ATL2: variants seen among roughly 807,000 people sequenced by gnomAD.
ATL2 encodes atlastin-2.
ATL2 carries 31 observed loss-of-function variants against 73.9 expected under a neutral mutation model. The ratio of observed to expected loss-of-function variants is 0.42; its 90% CI spans 0.32 to 0.57. The LOEUF (loss-of-function observed/expected upper bound fraction) is 0.57. Among genes scored for constraint, ATL2 ranks in the 20% least tolerant of loss-of-function variants. ATL2 has a pLI of 0.14. For synonymous variants in ATL2, 291 were observed against 237.5 expected, an observed-to-expected ratio of 1.23 and a Z score of -2.07; for missense variants, 738 against 702.6, an observed-to-expected ratio of 1.05 and a Z score of -0.57.
intron 1 of ATL2, among the ~76,000 whole-genome samples, chr2:38,356,414 C>T (rs1375357857): frequency 6.6e-6 from 1 of 151,772 alleles, no homozygotes; most frequent in East Asian, 1.9e-4. Context: ...GTCTCGAACT[C>T]CTGGGCTCAA....
intron 1 of ATL2, among the ~76,000 whole-genome samples, chr2:38,351,385 G>A (rs1038412634): frequency 7.2e-5 from 11 of 151,894 alleles, no homozygotes; most frequent in African/African-American, 2.2e-4. Flanking sequence ...TTAATGTTGC[G>A]TACCTCAAAA....
At chr2:38,323,751 C>T (rs1336452866) in intron 2 of ATL2, among the ~76,000 whole-genome samples, 1 of 152,106 alleles carries the variant, frequency 6.6e-6, no homozygotes, top group Non-Finnish European at 1.5e-5. Context: ...CTTGCTCTAT[C>T]ACCCAAGCTG....
intron 1 of ATL2, among the ~76,000 whole-genome samples, chr2:38,368,601 A>T (rs1671488227): frequency 6.6e-6 from 1 of 152,202 alleles, no homozygotes; most frequent in South Asian, 2.1e-4. Flanking sequence ...GACTAAGACT[A>T]CCACTAATAA....
rs1666783804 is a variant in ATL2 at position 38,294,521 on chromosome 2, C to T, written c.*1473G>A. 6.6e-6 allele frequency among the ~76,000 whole-genome samples: 1 copy of T among 152,056 alleles called. No individual in the cohort carries two copies. The highest frequency in any genetic ancestry group is 6.6e-5 in the Admixed American group (1 of 15,264). On this transcript the variant is annotated 3_prime_UTR_variant, in exon 13 of 13. Coordinates refer to ENST00000378954, the MANE Select transcript of ATL2 (RefSeq NM_001135673.4). Reference sequence around the variant, plus strand: ...CAAGATCGCACCACTGCACTCCAGCCTGGGTGACAGAGAGAGACTCCGTCT... The same window carrying T: ...CAAGATCGCACCACTGCACTCCAGCTTGGGTGACAGAGAGAGACTCCGTCT...
intron 9 of ATL2, among the ~76,000 whole-genome samples, chr2:38,303,806 G>C (rs189602550): frequency 2.3e-4 from 35 of 152,316 alleles, no homozygotes; most frequent in African/African-American, 7.9e-4. Context: ...CTCAAGACAT[G>C]TAACAAGCAA....
At chr2:38,376,048 A>G in intron 1 of ATL2, 1 of 1,381,134 alleles carries the variant, frequency 7.2e-7, no homozygotes. Flanking sequence ...ACACCGTAAA[A>G]AAAGAAATCT....
At chr2:38,366,581 T>C (rs1010852688) in intron 1 of ATL2, among the ~76,000 whole-genome samples, 1 of 152,236 alleles carries the variant, frequency 6.6e-6, no homozygotes, top group African/African-American at 2.4e-5. Context: ...CTACCCATTC[T>C]TCAAAGCACG....
chr2:38,296,164 A>T, intron 12 of ATL2, 51 bp from the exon 13 acceptor site: 1 of 1,496,912 alleles, frequency 6.7e-7, no homozygotes, highest in Non-Finnish European at 8.9e-7. Flanking sequence ...GTAAAAAAAG[A>T]GTTACATATA....
chr2:38,296,272 T>C (rs1666888769), intron 12 of ATL2, 159 bp from the exon 13 acceptor site: 2 of 1,438,040 alleles, frequency 1.4e-6, no homozygotes, highest in East Asian at 2.5e-5. Flanking sequence ...ATGATGCTAC[T>C]AGACATTTTA....
chr2:38,308,242 C>T (rs1344248289), intron 9 of ATL2, among the ~76,000 whole-genome samples: 1 of 152,164 alleles, frequency 6.6e-6, no homozygotes, highest in Non-Finnish European at 1.5e-5. Flanking sequence ...AAATGTGGTA[C>T]ATATACACGA....
intron 8 of ATL2, 73 bp downstream of exon 8, chr2:38,310,236 T>A: frequency 6.6e-7 from 1 of 1,510,950 alleles, no homozygotes; most frequent in Non-Finnish European, 9.1e-7. Context: ...ATTTAAGGCG[T>A]CATGTATTTT....
chr2:38,346,065 G>A (rs564577218), intron 1 of ATL2, among the ~76,000 whole-genome samples: 6 of 152,294 alleles, frequency 3.9e-5, no homozygotes, highest in East Asian at 1.9e-4. Context: ...GTGTAGCTGC[G>A]TACTGACACT....
In ATL2 at chr2:38,330,827, T is replaced by C. The variant is rs78818129; in HGVS notation, c.364-11808A>G. 9.6e-3 allele frequency among the ~76,000 whole-genome samples: 1,466 copies of C among 152,348 alleles called. 34 individuals are homozygous for C. The highest frequency in any genetic ancestry group is 0.033 in the African/African-American group (1,381 of 41,574). Reference sequence around the variant, plus strand: ...AAATTGATCTTTCAGATTCAACCAATCACTGATAGAATCCCAGCTAACTTC... The same window carrying C: ...AAATTGATCTTTCAGATTCAACCAACCACTGATAGAATCCCAGCTAACTTC... On this transcript the variant is annotated intron_variant, in intron 2 of 12. Transcript: ENST00000378954.
chr2:38,357,459 A>G (rs888345154), intron 1 of ATL2, among the ~76,000 whole-genome samples: 10 of 151,790 alleles, frequency 6.6e-5, no homozygotes, highest in Non-Finnish European at 1.0e-4. Context: ...GAAAAAAAAA[A>G]AAGAAGTAGC....
intron 1 of ATL2, among the ~76,000 whole-genome samples, chr2:38,368,247 CTT>C (rs569726038): frequency 1.5e-4 from 21 of 137,964 alleles, no homozygotes; most frequent in Admixed American, 1.5e-4. Context: ...AAAATAAGGA[CTT>C]TTTTTTTTTT....
At chr2:38,343,125 G>T in intron 2 of ATL2, 143 bp downstream of exon 2, 2 of 754,934 alleles carry the variant, frequency 2.6e-6, no homozygotes, top group Non-Finnish European at 3.7e-6. Context: ...TCCATCCTGG[G>T]TAACAGAGTG....
Position 38,315,180 on chromosome 2 carries a change from G to C in ATL2, c.654+104C>G, listed in dbSNP as rs890957803. 15 of 1,153,154 alleles carry C rather than the reference G, an allele frequency of 1.3e-5. No individual in the cohort carries two copies. The East Asian group carries it at 5.4e-4, about 42-fold the overall frequency. 71.4% of individuals were successfully genotyped at this position (1,153,154 alleles called of 1,614,324 possible). A position where few individuals can be genotyped will look rare whatever the true frequency, so the allele number is the denominator to read the frequency against. ...GCAGGAGAATCCCTTGAACTTGGGA[G>C]GGGGAGGTTGCAGTGAACCAAGATT... On this transcript the variant is annotated intron_variant, in intron 5 of 12. Coordinates refer to ENST00000378954, the MANE Select transcript of ATL2 (RefSeq NM_001135673.4).
chr2:38,355,132 TTTG>T (rs1670583354), intron 1 of ATL2, among the ~76,000 whole-genome samples: 1 of 152,284 alleles, frequency 6.6e-6, no homozygotes. Context: ...ACTGTATTTC[TTTG>T]TTGTTTTTGA....
intron 1 of ATL2, among the ~76,000 whole-genome samples, chr2:38,351,901 C>T (rs1573552559): frequency 6.6e-6 from 1 of 151,756 alleles, no homozygotes; most frequent in South Asian, 2.1e-4. Flanking sequence ...CACCTAAGGT[C>T]AGGAGTTTGA....
Sources: allele counts gnomAD v4.1 joint callset (sites outside exome capture counted in the v4.1 genomes callset), GRCh38; gene constraint gnomAD v4.1.1; transcripts MANE v1.5; gene names NCBI Gene and HGNC (gene_info 2026-07-23, HGNC 2026-07-21).